JAKMIP2: variants seen among roughly 807,000 people sequenced by gnomAD.
JAKMIP2 encodes janus kinase and microtubule-interacting protein 2.
Under a neutral mutation model 115.0 loss-of-function variants are expected in JAKMIP2, and 25 were observed. That is an observed-to-expected ratio of 0.22 (90% CI 0.16 to 0.30). JAKMIP2 has a LOEUF of 0.30. Ranked by LOEUF, JAKMIP2 falls within the 10% of genes least tolerant of loss-of-function variation. JAKMIP2 has a pLI of 1.00. For synonymous variants in JAKMIP2, 334 were observed against 343.6 expected, an observed-to-expected ratio of 0.97 and a Z score of 0.31; for missense variants, 642 against 957.6, an observed-to-expected ratio of 0.67 and a Z score of 4.35.
rs538694049 is a variant in JAKMIP2, at chr5:147,617,338, C to T, written c.2346+573G>A. The stretch of plus-strand genomic sequence containing the variant: ...GCATTCTTATCTACAGTATTGTTAT[C>T]TCCAAAATTGAGATAATAAAAATAC... On this transcript the variant is annotated intron_variant, in intron 19 of 21. Coordinates refer to ENST00000616793, the MANE Select transcript of JAKMIP2 (RefSeq NM_001270941.2). Among the ~76,000 whole-genome samples, 11 of 152,200 alleles carry T rather than the reference C, an allele frequency of 7.2e-5. No individual in the cohort carries two copies. In the South Asian group the frequency reaches 2.3e-3, roughly 32 times the overall value.
At chr5:147,662,519 T>C (rs961251725) in intron 2 of JAKMIP2, among the ~76,000 whole-genome samples, 3 of 152,124 alleles carry the variant, frequency 2.0e-5, no homozygotes, top group Admixed American at 6.5e-5. Context: ...ATTCAGTAGA[T>C]CAGGTGGGGC....
intron 8 of JAKMIP2, 65 bp from the exon 9 acceptor site, chr5:147,640,888 T>C (rs1757850677): frequency 7.0e-7 from 1 of 1,427,348 alleles, no homozygotes; most frequent in East Asian, 2.3e-5. Context: ...AACGTTAAAA[T>C]ACTGTCAACT....
intron 3 of JAKMIP2, 92 bp downstream of exon 3, chr5:147,660,856 A>T (rs1758918234): frequency 7.1e-7 from 1 of 1,416,800 alleles, no homozygotes; most frequent in Non-Finnish European, 9.7e-7. Flanking sequence ...CAATCCACTG[A>T]CAAGAAAACA....
At chr5:147,651,323 A>T (rs1209733348) in intron 3 of JAKMIP2, among the ~76,000 whole-genome samples, 1 of 152,194 alleles carries the variant, frequency 6.6e-6, no homozygotes, top group Non-Finnish European at 1.5e-5. Flanking sequence ...AGAATTTCTC[A>T]ACTAAAGGCC....
At chr5:147,622,496 C>T (rs1756900339) in intron 17 of JAKMIP2, among the ~76,000 whole-genome samples, 1 of 152,208 alleles carries the variant, frequency 6.6e-6, no homozygotes, top group South Asian at 2.1e-4. Context: ...TGAGTGGATT[C>T]ATATAGTATT....
At chr5:147,639,247 G>A (rs1013048415) in intron 10 of JAKMIP2, among the ~76,000 whole-genome samples, 5 of 152,154 alleles carry the variant, frequency 3.3e-5, no homozygotes, top group African/African-American at 1.2e-4. Flanking sequence ...GTTGTCATAC[G>A]TAAACGCTGG....
chr5:147,748,416 T>C (rs12655012), intron 1 of JAKMIP2, among the ~76,000 whole-genome samples: 21,818 of 152,150 alleles, frequency 0.14, 2,365 homozygotes, highest in East Asian at 0.39. Flanking sequence ...GGAAATTATT[T>C]AGGTAGATAG....
intron 1 of JAKMIP2, among the ~76,000 whole-genome samples, chr5:147,734,489 G>A (rs13177314): frequency 0.026 from 3,822 of 146,946 alleles, 83 homozygotes; most frequent in Non-Finnish European, 0.041. Flanking sequence ...ATCACACAAC[G>A]GGGCCTGTTG....
intron 1 of JAKMIP2, among the ~76,000 whole-genome samples, chr5:147,750,830 G>C (rs1754523712): frequency 6.6e-6 from 1 of 152,104 alleles, no homozygotes; most frequent in African/African-American, 2.4e-5. Flanking sequence ...CTAGTGCACA[G>C]AGAGGAGGCC....
intron 20 of JAKMIP2, 49 bp from the exon 21 acceptor site, chr5:147,601,860 C>G: frequency 1.2e-6 from 1 of 846,682 alleles, no homozygotes. Flanking sequence ...TTCTGTAGTG[C>G]CATTCAGGTA....
intron 1 of JAKMIP2, among the ~76,000 whole-genome samples, chr5:147,753,812 A>ATTTTTT (rs34633628): frequency 1.4e-5 from 2 of 141,494 alleles, no homozygotes; most frequent in Non-Finnish European, 3.1e-5. Flanking sequence ...AGCAGAATGT[A>ATTTTTT]TTTTTTTTTT....
At chr5:147,628,407 A>G (rs1229094195) in intron 16 of JAKMIP2, among the ~76,000 whole-genome samples, 5 of 152,164 alleles carry the variant, frequency 3.3e-5, no homozygotes, top group Non-Finnish European at 7.3e-5. Flanking sequence ...TGATAAGAGC[A>G]ATGCTCCAGT....
chr5:147,757,715 T>C (rs1007227234), intron 1 of JAKMIP2, among the ~76,000 whole-genome samples: 1 of 152,132 alleles, frequency 6.6e-6, no homozygotes, highest in Non-Finnish European at 1.5e-5. Context: ...GTATCAGACA[T>C]GGTAAGAATT....
intron 1 of JAKMIP2, among the ~76,000 whole-genome samples, chr5:147,747,967 T>C (rs531690728): frequency 3.9e-5 from 6 of 152,374 alleles, no homozygotes; most frequent in African/African-American, 1.4e-4. Context: ...ATCTGCTGCC[T>C]GTTCTGAGGG....
intron 1 of JAKMIP2, among the ~76,000 whole-genome samples, chr5:147,694,997 C>T (rs543607795): frequency 6.6e-6 from 1 of 152,084 alleles, no homozygotes; most frequent in African/African-American, 2.4e-5. Flanking sequence ...CACATGCAAG[C>T]GAGCCAATTT....
chr5:147,621,456 G>A (rs1485782810), intron 17 of JAKMIP2, among the ~76,000 whole-genome samples: 2 of 152,200 alleles, frequency 1.3e-5, no homozygotes, highest in Non-Finnish European at 2.9e-5. Flanking sequence ...AAAACTCAAT[G>A]GTGTTGACTT....
chr5:147,715,157 A>G (rs1752923869), intron 1 of JAKMIP2, among the ~76,000 whole-genome samples: 1 of 152,136 alleles, frequency 6.6e-6, no homozygotes, highest in Admixed American at 6.5e-5. Context: ...AGATTAGTCT[A>G]TAACTTCTAA....
At chr5:147,708,581 TCA>T (rs1752666244) in intron 1 of JAKMIP2, among the ~76,000 whole-genome samples, 1 of 152,226 alleles carries the variant, frequency 6.6e-6, no homozygotes, top group Non-Finnish European at 1.5e-5. Context: ...TATTTTTCAT[TCA>T]CAGTTTTAAC....
chr5:147,700,027 A>G (rs1488560981), intron 1 of JAKMIP2, among the ~76,000 whole-genome samples: 1 of 152,226 alleles, frequency 6.6e-6, no homozygotes, highest in Admixed American at 6.5e-5. Context: ...AGTGCTCCCA[A>G]TGATCAAAGA....
Sources: gnomAD v4.1 joint callset for allele counts (sites outside exome capture counted in the v4.1 genomes callset) on GRCh38, gnomAD v4.1.1 for gene constraint, MANE v1.5 for transcripts, NCBI Gene and HGNC (gene_info 2026-07-23, HGNC 2026-07-21) for gene names.